The following CPA6 variants were observed in gnomAD, a reference collection of about 807,000 sequenced individuals.
The protein encoded by CPA6 is carboxypeptidase B.
In CPA6, 58 loss-of-function variants were observed where a neutral mutation model predicts 63.3. The observed-to-expected ratio is 0.92, with a 90% CI of 0.74 to 1.14. The LOEUF (loss-of-function observed/expected upper bound fraction) is 1.14, where lower values mean the gene tolerates loss of function less well. CPA6 is among the 50% of genes most tolerant of loss of function. The pLI is 0.00. For synonymous variants in CPA6, 185 were observed against 179.0 expected, an observed-to-expected ratio of 1.03 and a Z score of -0.27; for missense variants, 565 against 526.6, an observed-to-expected ratio of 1.07 and a Z score of -0.71.
chr8:67,720,085 T>TG (rs1177720957), intron 1 of CPA6, among the ~76,000 whole-genome samples: 1 of 149,648 alleles, frequency 6.7e-6, no homozygotes, highest in Non-Finnish European at 1.5e-5. Context: ...GAGATAAGGG[T>TG]GGGGCGGTTT....
At chr8:67,529,748 A>G (rs1387675372) in intron 2 of CPA6, among the ~76,000 whole-genome samples, 2 of 152,018 alleles carry the variant, frequency 1.3e-5, no homozygotes, top group Non-Finnish European at 2.9e-5. Context: ...TGGAGAAAAT[A>G]CCTCCCCTCA....
At chr8:67,550,079 G>A (rs1812907241) in intron 2 of CPA6, among the ~76,000 whole-genome samples, 2 of 152,138 alleles carry the variant, frequency 1.3e-5, no homozygotes, top group African/African-American at 2.4e-5. Flanking sequence ...AGCTACATGT[G>A]CAGATTTGTT....
chr8:67,690,133 T>C (rs1816786745), intron 1 of CPA6, among the ~76,000 whole-genome samples: 1 of 152,192 alleles, frequency 6.6e-6, no homozygotes, highest in Non-Finnish European at 1.5e-5. Context: ...TTTGTTTTTC[T>C]GAAGATATAA....
At chr8:67,454,795 C>T (rs997664427) in intron 8 of CPA6, among the ~76,000 whole-genome samples, 1 of 152,230 alleles carries the variant, frequency 6.6e-6, no homozygotes, top group African/African-American at 2.4e-5. Context: ...CCATACCATA[C>T]ATCACCTTTT....
chr8:67,630,441 ATTTTTT>A (rs138763062), intron 1 of CPA6, among the ~76,000 whole-genome samples: 1 of 150,740 alleles, frequency 6.6e-6, no homozygotes, highest in African/African-American at 2.4e-5. Flanking sequence ...GTGGGAATTG[ATTTTTT>A]TTTTCTTGTC....
At chr8:67,431,390 G>A (rs1810024579) in intron 9 of CPA6, among the ~76,000 whole-genome samples, 3 of 152,056 alleles carry the variant, frequency 2.0e-5, no homozygotes, top group South Asian at 4.2e-4. Flanking sequence ...ACAGGTGTCT[G>A]CCACCAGGCC....
chr8:67,517,871 T>A (rs1587513641), intron 3 of CPA6, 52 bp downstream of exon 3: 5 of 1,510,438 alleles, frequency 3.3e-6, no homozygotes, highest in African/African-American at 2.8e-5. Flanking sequence ...AACTACCATT[T>A]GGTTCAGTTT....
At position 67,740,567 on chromosome 8, in the gene CPA6, A is replaced by T. The variant is rs78048634; in HGVS notation, c.116+5447T>A. 7.8e-4 allele frequency among the ~76,000 whole-genome samples: 119 copies of T among 152,114 alleles called. 1 individual carries two copies. Among genetic ancestry groups the T allele is most frequent in the Non-Finnish European group, 1.6e-3 (107 of 67,982 alleles). On this transcript the variant is annotated intron_variant, in intron 1 of 10. Transcript: ENST00000297770. ...TTGCTAATAGGATTTCAAGGACCAAACTACTTTTATTTATTTTCTTGAGAC... is the reference window on the plus strand; with the variant it reads ...TTGCTAATAGGATTTCAAGGACCAATCTACTTTTATTTATTTTCTTGAGAC...
At chr8:67,655,637 C>T (rs538770202) in intron 1 of CPA6, among the ~76,000 whole-genome samples, 15 of 152,180 alleles carry the variant, frequency 9.9e-5, no homozygotes, top group African/African-American at 3.4e-4. Context: ...AATGCTGCAG[C>T]AGATCACATA....
intron 1 of CPA6, among the ~76,000 whole-genome samples, chr8:67,714,478 C>A (rs1426835728): frequency 6.6e-6 from 1 of 152,172 alleles, no homozygotes; most frequent in Non-Finnish European, 1.5e-5. Context: ...GGAGCCCGAG[C>A]ACTCCTCAGG....
In CPA6 at chr8:67,589,980, C is replaced by T. The variant is rs538220501; in HGVS notation, c.192+34196G>A. Among the ~76,000 whole-genome samples the T allele has an allele frequency of 3.6e-4, 55 of 151,830 alleles. No homozygotes were observed. The South Asian group carries it at 9.4e-3, about 26-fold the overall frequency. On this transcript the variant is annotated intron_variant, in intron 2 of 10. Transcript: ENST00000297770. ...TGTATACATGTGCCATGCTGGTGTG[C>T]TGCACCCATTAACTCATCATTTAGC... is the stretch of plus-strand genomic sequence containing the variant.
chr8:67,635,540 G>C (rs1017752673), intron 1 of CPA6, among the ~76,000 whole-genome samples: 5 of 151,676 alleles, frequency 3.3e-5, no homozygotes, highest in African/African-American at 1.2e-4. Flanking sequence ...AGCCAAGGAG[G>C]GGGGATCACC....
chr8:67,490,425 C>T (rs1225991053), intron 6 of CPA6, among the ~76,000 whole-genome samples: 7 of 152,136 alleles, frequency 4.6e-5, no homozygotes, highest in Non-Finnish European at 1.0e-4. Flanking sequence ...CTTAAGTAGT[C>T]GGGATCTGAA....
intron 8 of CPA6, among the ~76,000 whole-genome samples, chr8:67,438,151 C>T (rs1810205632): frequency 6.6e-6 from 1 of 152,154 alleles, no homozygotes; most frequent in Non-Finnish European, 1.5e-5. Context: ...CTCCTGACCT[C>T]AAGTGATCTG....
chr8:67,475,871 CTTTCTTTCTCCTTTCTTT>C (rs1563967912), intron 8 of CPA6, among the ~76,000 whole-genome samples: 224 of 79,796 alleles, frequency 2.8e-3, no homozygotes, highest in Non-Finnish European at 3.4e-3. Flanking sequence ...TTCTTTCTTT[CTTTCTTTCTCCTTTCTTT>C]CTTTCTTTCT....
At chr8:67,743,164 A>G (rs1817944275) in intron 1 of CPA6, among the ~76,000 whole-genome samples, 1 of 152,192 alleles carries the variant, frequency 6.6e-6, no homozygotes, top group Admixed American at 6.5e-5. Flanking sequence ...CAATAAATAT[A>G]ATCGAAGTCG....
intron 2 of CPA6, among the ~76,000 whole-genome samples, chr8:67,599,109 A>C (rs1587618209): frequency 6.6e-6 from 1 of 152,230 alleles, no homozygotes; most frequent in East Asian, 1.9e-4. Flanking sequence ...CATGATGTCA[A>C]AATGTAATTT....
At chr8:67,566,289 T>C (rs1448594700) in intron 2 of CPA6, among the ~76,000 whole-genome samples, 2 of 152,196 alleles carry the variant, frequency 1.3e-5, no homozygotes, top group African/African-American at 4.8e-5. Context: ...GACCTTGCAG[T>C]CACCTTCTCT....
chr8:67,736,363 A>G (rs1433125241), intron 1 of CPA6, among the ~76,000 whole-genome samples: 1 of 152,136 alleles, frequency 6.6e-6, no homozygotes, highest in Non-Finnish European at 1.5e-5. Context: ...TTTCACTGCT[A>G]ATTTTCTGAC....
Sources: gnomAD v4.1 joint callset for allele counts (sites outside exome capture counted in the v4.1 genomes callset) on GRCh38, gnomAD v4.1.1 for gene constraint, MANE v1.5 for transcripts, NCBI Gene and HGNC (gene_info 2026-07-23, HGNC 2026-07-21) for gene names.